Variants in TRABD2B observed in about 807,000 individuals in gnomAD.
TRABD2B encodes the protein TraB domain containing 2B.
A neutral mutation model predicts 40.1 loss-of-function variants in TRABD2B; 14 were observed. That is an observed-to-expected ratio of 0.35 (90% CI 0.23 to 0.55). TRABD2B has a LOEUF of 0.55. TRABD2B is among the 20% of genes least tolerant of loss of function. The pLI is 0.90. For missense variants in TRABD2B, 541 were observed against 648.6 expected (o/e 0.83, Z 1.80); for synonymous variants, 263 against 277.0 (o/e 0.95, Z 0.50).
intron 2 of TRABD2B, among the ~76,000 whole-genome samples, chr1:47,897,041 T>C (rs2088361): frequency 0.47 from 71,889 of 152,014 alleles, 17,897 homozygotes; most frequent in African/African-American, 0.63. Context: ...TAGGGTAAGA[T>C]GGACAGTAAA....
At chr1:47,975,711 C>A (rs556233956) in intron 2 of TRABD2B, among the ~76,000 whole-genome samples, 1 of 152,154 alleles carries the variant, frequency 6.6e-6, no homozygotes, top group Non-Finnish European at 1.5e-5. Context: ...TGTCCTAGAG[C>A]GGCAAACACA....
At chr1:47,783,846 G>A (rs1304233526) in intron 4 of TRABD2B, among the ~76,000 whole-genome samples, 2 of 152,164 alleles carry the variant, frequency 1.3e-5, no homozygotes, top group South Asian at 2.1e-4. Flanking sequence ...GGGAAGGCAG[G>A]GTAGAGCGAG....
At chr1:47,902,822 G>A (rs561507561) in intron 2 of TRABD2B, among the ~76,000 whole-genome samples, 20 of 152,228 alleles carry the variant, frequency 1.3e-4, no homozygotes, top group Admixed American at 2.6e-4. Flanking sequence ...TGTGGCTGTT[G>A]AGCACCTGAA....
At chr1:47,790,604 T>C (rs1340462432) in intron 4 of TRABD2B, among the ~76,000 whole-genome samples, 1 of 152,240 alleles carries the variant, frequency 6.6e-6, no homozygotes, top group African/African-American at 2.4e-5. Flanking sequence ...CACTTTTGTA[T>C]GCATACAGCA....
chr1:47,973,125 G>A (rs1645704923), intron 2 of TRABD2B, among the ~76,000 whole-genome samples: 1 of 152,208 alleles, frequency 6.6e-6, no homozygotes, highest in Non-Finnish European at 1.5e-5. Flanking sequence ...CAAACCAAGA[G>A]ATGCTGATTT....
At position 47,775,333 on chromosome 1, in the gene TRABD2B, C is replaced by A; in HGVS notation, c.1186G>T (p.Ala396Ser). 3 of 1,229,752 alleles carry A rather than the reference C, an allele frequency of 2.4e-6. No homozygotes were observed. Among genetic ancestry groups the A allele is most frequent in the Non-Finnish European group, 3.0e-6 (3 of 984,886 alleles). The allele number at this position is 1,229,752 out of a possible 1,614,324, so 76.2% of individuals were successfully genotyped here. A position where few individuals can be genotyped will look rare whatever the true frequency, so the allele number is the denominator to read the frequency against. Residue 396 changes from alanine to serine, a missense_variant, in exon 6 of 7, where the codon GCC becomes TCC. Transcript: ENST00000606738. The stretch of plus-strand genomic sequence containing the variant: ...GCTGGATCCTCATCCTCTGGTGGGG[C>A]GGTGGGGGTCACAGAGGGTGCTTCG... ...VPEAPSVTPT[A>S]PPEDEDPALS...
chr1:47,768,391 G>A (rs1401571163), intron 6 of TRABD2B, among the ~76,000 whole-genome samples: 1 of 152,090 alleles, frequency 6.6e-6, no homozygotes, highest in Admixed American at 6.5e-5. Context: ...CAAGCATGTT[G>A]TGCCTCCCAC....
chr1:47,923,915 T>C (rs944393695), intron 2 of TRABD2B, among the ~76,000 whole-genome samples: 100 of 132,594 alleles, frequency 7.5e-4, no homozygotes, highest in African/African-American at 2.5e-3. Flanking sequence ...CATACACACA[T>C]ACACACACAC....
chr1:47,848,015 A>G (rs1454467525), intron 2 of TRABD2B, among the ~76,000 whole-genome samples: 4 of 152,162 alleles, frequency 2.6e-5, no homozygotes, highest in Non-Finnish European at 5.9e-5. Context: ...CTTCTAAGAG[A>G]CGTCTCTCTC....
chr1:47,902,199 T>C (rs929997990), intron 2 of TRABD2B, among the ~76,000 whole-genome samples: 7 of 152,204 alleles, frequency 4.6e-5, no homozygotes, highest in African/African-American at 1.7e-4. Flanking sequence ...TGCTTTCTCA[T>C]AGGACCCTTG....
chr1:47,936,508 G>C (rs1645108684), intron 2 of TRABD2B, among the ~76,000 whole-genome samples: 2 of 152,200 alleles, frequency 1.3e-5, no homozygotes, highest in Non-Finnish European at 2.9e-5. Context: ...GCTGAGTCTT[G>C]AGGAAGGGAT....
chr1:47,794,555 C>T (rs1051899811), intron 4 of TRABD2B, 31 bp downstream of exon 4: 2 of 1,488,398 alleles, frequency 1.3e-6, no homozygotes, highest in Non-Finnish European at 1.8e-6. Flanking sequence ...CAGGATTCTG[C>T]AAACAATCCC....
chr1:47,797,354 G>C (rs1644762273), intron 3 of TRABD2B, among the ~76,000 whole-genome samples: 1 of 152,160 alleles, frequency 6.6e-6, no homozygotes, highest in African/African-American at 2.4e-5. Context: ...CCCAGTGAAG[G>C]GTGGCTTTGG....
intron 4 of TRABD2B, among the ~76,000 whole-genome samples, chr1:47,778,999 A>G (rs986970664): frequency 5.9e-5 from 9 of 152,192 alleles, no homozygotes; most frequent in Non-Finnish European, 4.4e-5. Context: ...TCAAGCCCCT[A>G]GCAGGGCTAT....
chr1:47,835,321 G>A (rs1266389778), intron 2 of TRABD2B, among the ~76,000 whole-genome samples: 1 of 152,026 alleles, frequency 6.6e-6, no homozygotes, highest in African/African-American at 2.4e-5. Flanking sequence ...TATGCATACT[G>A]GGAGTTCAAG....
At position 47,802,671 on chromosome 1, in the gene TRABD2B, C is replaced by T. The variant is rs184101827; in HGVS notation, c.667-1052G>A. Among the ~76,000 whole-genome samples the T allele has an allele frequency of 6.3e-3, 960 of 152,254 alleles. 7 individuals are homozygous for T. Among genetic ancestry groups the T allele is most frequent in the Admixed American group, 0.01 (155 of 15,302 alleles). Reference sequence around the variant, plus strand: ...CCCTGCTCATTCTGTCTGCACAATGCCTTGGACACCAAGTTCCCAGCCTTG... The same window carrying T: ...CCCTGCTCATTCTGTCTGCACAATGTCTTGGACACCAAGTTCCCAGCCTTG... On this transcript the variant is annotated intron_variant, in intron 2 of 6. Coordinates refer to ENST00000606738, the MANE Select transcript of TRABD2B (RefSeq NM_001194986.2).
intron 2 of TRABD2B, among the ~76,000 whole-genome samples, chr1:47,815,423 G>A (rs1182393400): frequency 6.6e-6 from 1 of 152,200 alleles, no homozygotes; most frequent in Non-Finnish European, 1.5e-5. Flanking sequence ...CTTGGGCAGA[G>A]GGAGGACTGC....
intron 2 of TRABD2B, among the ~76,000 whole-genome samples, chr1:47,955,813 C>A (rs575441018): frequency 1.4e-4 from 21 of 152,192 alleles, no homozygotes; most frequent in Non-Finnish European, 2.9e-4. Flanking sequence ...TTGGGCCAAG[C>A]CTGCCAGGCC....
intron 2 of TRABD2B, among the ~76,000 whole-genome samples, chr1:47,904,921 A>T (rs1353076512): frequency 6.6e-6 from 1 of 152,204 alleles, no homozygotes; most frequent in Admixed American, 6.5e-5. Context: ...TATATTCAGT[A>T]TGCCTCCCTA....
Sources: allele counts gnomAD v4.1 joint callset (sites outside exome capture counted in the v4.1 genomes callset), GRCh38; gene constraint gnomAD v4.1.1; transcripts MANE v1.5; gene names NCBI Gene and HGNC (gene_info 2026-07-23, HGNC 2026-07-21).